RIN2: variants seen among roughly 807,000 people sequenced by gnomAD.
RIN2 encodes the protein RAB5 interacting protein 2.
Under a neutral mutation model 78.0 loss-of-function variants are expected in RIN2, and 36 were observed. The ratio of observed to expected loss-of-function variants is 0.46; its 90% CI spans 0.35 to 0.61. The LOEUF is 0.61. Ranked by LOEUF, RIN2 falls within the 20% of genes least tolerant of loss-of-function variation. RIN2 has a pLI of 0.00. For synonymous variants in RIN2, 466 were observed against 466.8 expected (o/e 1.00, Z 0.02); for missense variants, 1,087 against 1,159.7 (o/e 0.94, Z 0.91).
Position 19,875,226 on chromosome 20 carries a change from T to A in RIN2, c.-36-14340T>A, listed in dbSNP as rs538457674. Among the ~76,000 whole-genome samples, 152 of 152,224 alleles carry A rather than the reference T, an allele frequency of 1.0e-3. 1 individual carries two copies. Among genetic ancestry groups the A allele is most frequent in the African/African-American group, 3.2e-3 (135 of 41,540 alleles). ...CAGGCTGGAGTGCAGTGGTATGATC[T>A]TGGCTCACTGCAACCTCCACCTCCC... On this transcript the variant is annotated intron_variant, in intron 2 of 12. Transcript: ENST00000255006.
At chr20:19,983,477 A>G (rs1020052931) in intron 9 of RIN2, among the ~76,000 whole-genome samples, 23 of 152,206 alleles carry the variant, frequency 1.5e-4, no homozygotes, top group Admixed American at 1.4e-3. Context: ...GGAAGTGCTC[A>G]AATAAATGCC....
chr20:19,818,243 C>T (rs1333118278), intron 2 of RIN2, among the ~76,000 whole-genome samples: 1 of 152,148 alleles, frequency 6.6e-6, no homozygotes, highest in Non-Finnish European at 1.5e-5. Context: ...CCATTATAAT[C>T]TTATGGCACC....
intron 3 of RIN2, among the ~76,000 whole-genome samples, chr20:19,932,282 G>A (rs151021401): frequency 2.5e-4 from 38 of 152,288 alleles, no homozygotes; most frequent in African/African-American, 8.4e-4. Flanking sequence ...GCCACGGGAT[G>A]ACTCTTACCA....
At chr20:19,886,694 T>G (rs1210039471) in intron 2 of RIN2, 18 of 1,533,746 alleles carry the variant, frequency 1.2e-5, no homozygotes. Flanking sequence ...TTCTCAAGAA[T>G]CCACTTTACC....
At chr20:19,985,505 T>C (rs1264904242) in intron 9 of RIN2, among the ~76,000 whole-genome samples, 1 of 152,198 alleles carries the variant, frequency 6.6e-6, no homozygotes, top group Non-Finnish European at 1.5e-5. Flanking sequence ...TTAGAAACAT[T>C]TAGTTTCTAA....
At chr20:19,856,881 A>C (rs940391627) in intron 2 of RIN2, among the ~76,000 whole-genome samples, 1 of 152,210 alleles carries the variant, frequency 6.6e-6, no homozygotes, top group African/African-American at 2.4e-5. Flanking sequence ...AAGAAACAAG[A>C]TGAGAGGCCA....
chr20:19,970,764 C>G, intron 7 of RIN2, 74 bp from the exon 8 acceptor site: 1 of 1,184,766 alleles, frequency 8.4e-7, no homozygotes. Flanking sequence ...TAAAACATCT[C>G]TATGATGAAA....
intron 7 of RIN2, among the ~76,000 whole-genome samples, chr20:19,966,685 G>A (rs1421558714): frequency 6.6e-6 from 1 of 152,130 alleles, no homozygotes; most frequent in Non-Finnish European, 1.5e-5. Context: ...ACAATAAATG[G>A]CCTCAGGAAG....
intron 7 of RIN2, among the ~76,000 whole-genome samples, chr20:19,966,203 C>T (rs993476821): frequency 2.6e-5 from 4 of 152,204 alleles, no homozygotes; most frequent in South Asian, 4.1e-4. Flanking sequence ...AGCTAACACA[C>T]GTATAGGCTG....
intron 1 of RIN2, among the ~76,000 whole-genome samples, chr20:19,764,916 GCGTTT>G (rs1479770997): frequency 0.026 from 929 of 35,332 alleles, 21 homozygotes; most frequent in Non-Finnish European, 0.052. Flanking sequence ...TTCACTTTCT[GCGTTT>G]TTTTTTTTTT....
At chr20:19,998,229 G>A (rs554790888) in intron 12 of RIN2, among the ~76,000 whole-genome samples, 40 of 151,968 alleles carry the variant, frequency 2.6e-4, no homozygotes, top group Admixed American at 8.5e-4. Flanking sequence ...TGATCCACCC[G>A]CCTCAGCTTC....
intron 3 of RIN2, among the ~76,000 whole-genome samples, chr20:19,927,660 C>T (rs1452848332): frequency 2.0e-5 from 3 of 151,962 alleles, no homozygotes; most frequent in Non-Finnish European, 4.4e-5. Flanking sequence ...GGCAATCTGC[C>T]CACCTTGGCC....
At chr20:19,779,296 AT>A (rs66944085) in intron 1 of RIN2, among the ~76,000 whole-genome samples, 7,544 of 152,082 alleles carry the variant, frequency 0.05, 211 homozygotes, top group Middle Eastern at 0.082. Flanking sequence ...CAAAGCACAG[AT>A]TAAAAAAAAA....
At chr20:19,866,600 T>C (rs2037515087) in intron 2 of RIN2, among the ~76,000 whole-genome samples, 1 of 152,174 alleles carries the variant, frequency 6.6e-6, no homozygotes. Context: ...GAAATTGTGT[T>C]TCTAGATTAA....
chr20:19,815,137 T>G (rs1174692170), intron 2 of RIN2, among the ~76,000 whole-genome samples: 1 of 152,206 alleles, frequency 6.6e-6, no homozygotes, highest in Non-Finnish European at 1.5e-5. Flanking sequence ...CTCTGAGGTT[T>G]GCATTTTGTT....
At chr20:19,906,415 C>G (rs549959344) in intron 3 of RIN2, among the ~76,000 whole-genome samples, 1 of 152,318 alleles carries the variant, frequency 6.6e-6, no homozygotes, top group Non-Finnish European at 1.5e-5. Context: ...TGCCACTGCA[C>G]TCCAGAGCCT....
intron 3 of RIN2, among the ~76,000 whole-genome samples, chr20:19,910,321 C>G (rs111405909): frequency 4.0e-5 from 6 of 151,824 alleles, no homozygotes; most frequent in African/African-American, 1.4e-4. Context: ...TACAGGCATG[C>G]GCCACCATGC....
chr20:19,908,315 C>T (rs1050674130), intron 3 of RIN2, among the ~76,000 whole-genome samples: 5 of 152,000 alleles, frequency 3.3e-5, no homozygotes, highest in African/African-American at 1.2e-4. Flanking sequence ...CATGGTGAAA[C>T]CCCGTCTCTA....
At chr20:19,810,244 CAAAA>C (rs58768278) in intron 2 of RIN2, among the ~76,000 whole-genome samples, 3 of 80,618 alleles carry the variant, frequency 3.7e-5, no homozygotes, top group Admixed American at 2.8e-4. Context: ...ATTAATAATA[CAAAA>C]AAAAAAAAAA....
Sources: gnomAD v4.1 joint callset for allele counts (sites outside exome capture counted in the v4.1 genomes callset) on GRCh38, gnomAD v4.1.1 for gene constraint, MANE v1.5 for transcripts, NCBI Gene and HGNC (gene_info 2026-07-23, HGNC 2026-07-21) for gene names.